Variants in PLCB1 observed in about 807,000 individuals in gnomAD.
PLCB1 encodes the protein 1-phosphatidylinositol 4,5-bisphosphate phosphodiesterase beta-1.
A neutral mutation model predicts 161.8 loss-of-function variants in PLCB1; 46 were observed. The observed-to-expected ratio is 0.28, with a 90% CI of 0.22 to 0.36. PLCB1 has a LOEUF of 0.36. Ranked by LOEUF, PLCB1 falls within the 10% of genes least tolerant of loss-of-function variation. PLCB1 has a pLI of 1.00. For missense variants in PLCB1, 1,016 were observed against 1,472.5 expected, an observed-to-expected ratio of 0.69 and a Z score of 5.07; for synonymous variants, 517 against 503.7, an observed-to-expected ratio of 1.03 and a Z score of -0.35.
At chr20:8,525,802 G>A (rs1984564047) in intron 3 of PLCB1, among the ~76,000 whole-genome samples, 1 of 150,234 alleles carries the variant, frequency 6.7e-6, no homozygotes, top group South Asian at 2.1e-4. Context: ...TTTGCTTGGA[G>A]GCTAGAGGAT....
chr20:8,305,496 C>T (rs1301529840), intron 2 of PLCB1, among the ~76,000 whole-genome samples: 1 of 152,092 alleles, frequency 6.6e-6, no homozygotes, highest in African/African-American at 2.4e-5. Context: ...GGGCCAAAAC[C>T]ATGGAGTTCC....
At chr20:8,594,394 T>A (rs1987254262) in intron 3 of PLCB1, among the ~76,000 whole-genome samples, 1 of 151,624 alleles carries the variant, frequency 6.6e-6, no homozygotes, top group Admixed American at 6.6e-5. Flanking sequence ...ATACATTGCC[T>A]TCAATCAGGG....
Position 8,504,166 on chromosome 20 carries a change from G to A in PLCB1, c.247-124128G>A, listed in dbSNP as rs1189624488. Among the ~76,000 whole-genome samples the A allele has an allele frequency of 2.6e-5, 4 of 152,162 alleles. No individual in the cohort carries two copies. In the East Asian group the frequency reaches 7.7e-4, roughly 29 times the overall value. On this transcript the variant is annotated intron_variant, in intron 3 of 31. Transcript: ENST00000338037. ...TATGGTCCCATTGCAGATCAAGAGG[G>A]GGCTGTGCTCTGTGTCACCTCCACT...
At chr20:8,604,282 T>A (rs1987694153) in intron 3 of PLCB1, among the ~76,000 whole-genome samples, 1 of 145,328 alleles carries the variant, frequency 6.9e-6, no homozygotes, top group African/African-American at 2.5e-5. Flanking sequence ...AAAAAAAGGT[T>A]ACTTTGATAT....
At chr20:8,557,011 T>A (rs13042461) in intron 3 of PLCB1, among the ~76,000 whole-genome samples, 1 of 116,594 alleles carries the variant, frequency 8.6e-6, no homozygotes, top group Non-Finnish European at 1.7e-5. Context: ...AATAAATAAA[T>A]AAAATAAATA....
At chr20:8,280,877 C>G (rs1600284410) in intron 2 of PLCB1, among the ~76,000 whole-genome samples, 1 of 152,188 alleles carries the variant, frequency 6.6e-6, no homozygotes, top group Non-Finnish European at 1.5e-5. Flanking sequence ...AAATTAACTT[C>G]CTTGTTTGGA....
chr20:8,205,966 C>G (rs1296355818), intron 2 of PLCB1, among the ~76,000 whole-genome samples: 1 of 150,844 alleles, frequency 6.6e-6, no homozygotes, highest in Non-Finnish European at 1.5e-5. Context: ...AGATCATCCT[C>G]AGTGTATGAA....
intron 2 of PLCB1, among the ~76,000 whole-genome samples, chr20:8,210,989 G>A (rs993567155): frequency 2.6e-5 from 4 of 152,108 alleles, no homozygotes; most frequent in African/African-American, 7.2e-5. Context: ...ATTCTCAATA[G>A]CAGGGATAAA....
At chr20:8,408,210 A>T (rs181565778) in intron 3 of PLCB1, among the ~76,000 whole-genome samples, 153 of 152,334 alleles carry the variant, frequency 1.0e-3, no homozygotes, top group African/African-American at 3.6e-3. Flanking sequence ...TATTCTGTCT[A>T]TTCTCTTTGC....
At chr20:8,722,536 A>G (rs1295518360) in intron 15 of PLCB1, 115 bp downstream of exon 15, 2 of 590,848 alleles carry the variant, frequency 3.4e-6, no homozygotes, top group Non-Finnish European at 5.7e-6. Flanking sequence ...GTGCCTTCCA[A>G]TTGCCAGCTT....
chr20:8,531,658 A>G lies in PLCB1; in HGVS notation c.247-96636A>G, dbSNP rs6086486. Among the ~76,000 whole-genome samples, 503 of 152,226 alleles carry G rather than the reference A, an allele frequency of 3.3e-3. 3 individuals carry two copies. Among genetic ancestry groups the G allele is most frequent in the African/African-American group, 0.011 (443 of 41,562 alleles). ...TCCTATCTCTGTACCTCCCCTCTGT[A>G]TACATTTGAAAAATTAATCCTGACC... is the stretch of plus-strand genomic sequence containing the variant. On this transcript the variant is annotated intron_variant, in intron 3 of 31. Coordinates refer to ENST00000338037, the MANE Select transcript of PLCB1 (RefSeq NM_015192.4).
intron 3 of PLCB1, among the ~76,000 whole-genome samples, chr20:8,438,098 CTTATA>C (rs1020932206): frequency 1.3e-5 from 2 of 151,692 alleles, no homozygotes; most frequent in Admixed American, 1.3e-4. Context: ...TGTGTTCTAT[CTTATA>C]TATTTGTAGA....
At chr20:8,457,709 TGC>T (rs149327885) in intron 3 of PLCB1, among the ~76,000 whole-genome samples, 2,643 of 108,166 alleles carry the variant, frequency 0.024, 68 homozygotes, top group African/African-American at 0.1. Flanking sequence ...CCCTAATGTG[TGC>T]GCGCACACAC....
In PLCB1 at chr20:8,717,700, T is replaced by G; in HGVS notation, c.1365T>G (p.Pro455=). The change falls in exon 14 of 32, where the codon CCT becomes CCG. Residue 455 remains proline, a synonymous_variant. Coordinates refer to ENST00000338037, the MANE Select transcript of PLCB1 (RefSeq NM_015192.4). ...PLESGVPLPS[P]MDLMYKILVK... is the part of the protein sequence containing the mutation. ...AATCTGGAGTTCCTCTTCCAAGCCC[T>G]ATGGATTTAATGTATAAAATTTTGG... 1 of 1,612,540 alleles carries G rather than the reference T, an allele frequency of 6.2e-7. No homozygotes were observed. The highest frequency in any genetic ancestry group is 8.5e-7 in the Non-Finnish European group (1 of 1,179,380).
At chr20:8,295,513 A>G (rs1159629988) in intron 2 of PLCB1, among the ~76,000 whole-genome samples, 2 of 152,156 alleles carry the variant, frequency 1.3e-5, no homozygotes, top group East Asian at 3.8e-4. Flanking sequence ...GCCTTAAAAC[A>G]AAAGAATTTC....
At chr20:8,726,295 TTC>T (rs1979930512) in intron 16 of PLCB1, among the ~76,000 whole-genome samples, 1 of 152,148 alleles carries the variant, frequency 6.6e-6, no homozygotes, top group African/African-American at 2.4e-5. Context: ...TTTGTTTTCT[TTC>T]TCTCACTCTA....
chr20:8,366,958 C>T (rs902773311), intron 2 of PLCB1, among the ~76,000 whole-genome samples: 5 of 152,124 alleles, frequency 3.3e-5, no homozygotes, highest in African/African-American at 1.2e-4. Flanking sequence ...AAGTATAATG[C>T]AAAGGTTCTA....
intron 2 of PLCB1, among the ~76,000 whole-genome samples, chr20:8,241,964 G>A (rs1600256682): frequency 1.3e-5 from 2 of 151,914 alleles, no homozygotes; most frequent in African/African-American, 4.8e-5. Context: ...CTGGGTTAAT[G>A]TACAAGAACA....
rs931081974 is a variant in PLCB1, at chr20:8,175,808, G to GA, written c.177+25445dup. On this transcript the variant is annotated intron_variant, in intron 2 of 31. Transcript: ENST00000338037. ...ACATAAAGGACCTTCAAATTCACAGGAAAAAAAACAAAAAACAAAAAACCT... is the reference window on the plus strand; with the variant it reads ...ACATAAAGGACCTTCAAATTCACAGGAAAAAAAAACAAAAAACAAAAAACCT... 8.7e-4 allele frequency among the ~76,000 whole-genome samples: 131 copies of GA among 150,792 alleles called. 1 individual carries two copies. The highest frequency in any genetic ancestry group is 3.0e-3 in the African/African-American group (125 of 41,038).
Sources: gnomAD v4.1 joint callset for allele counts (sites outside exome capture counted in the v4.1 genomes callset) on GRCh38, gnomAD v4.1.1 for gene constraint, MANE v1.5 for transcripts, NCBI Gene and HGNC (gene_info 2026-07-23, HGNC 2026-07-21) for gene names.